NRG3: variants seen among roughly 807,000 people sequenced by gnomAD.
The protein encoded by NRG3 is neuregulin 3.
Under a neutral mutation model 66.9 loss-of-function variants are expected in NRG3, and 31 were observed. The observed-to-expected ratio is 0.46, with a 90% CI of 0.35 to 0.63. NRG3 has a LOEUF of 0.63. NRG3 is among the 20% of genes least tolerant of loss of function. The probability of loss-of-function intolerance (pLI) is 0.00; values close to 1 mark genes in which losing one functional copy is unlikely to be tolerated. For missense variants in NRG3, 910 were observed against 878.9 expected (o/e 1.04, Z -0.45); for synonymous variants, 393 against 359.4 (o/e 1.09, Z -1.06).
chr10:82,536,262 A>G (rs1185971189), intron 2 of NRG3, among the ~76,000 whole-genome samples: 4 of 152,188 alleles, frequency 2.6e-5, no homozygotes, highest in Non-Finnish European at 1.5e-5. Context: ...AAACTAAATG[A>G]CTTTTTGGCT....
intron 1 of NRG3, among the ~76,000 whole-genome samples, chr10:82,021,610 G>T (rs1381495185): frequency 2.0e-5 from 3 of 152,068 alleles, no homozygotes; most frequent in African/African-American, 7.2e-5. Context: ...CTTTGCTCTG[G>T]AAGAATAGAG....
chr10:81,917,724 G>A (rs1845838720), intron 1 of NRG3, among the ~76,000 whole-genome samples: 3 of 152,186 alleles, frequency 2.0e-5, no homozygotes, highest in Admixed American at 6.5e-5. Flanking sequence ...GATACAGTTT[G>A]TCTTTCACTT....
chr10:82,159,596 A>G (rs1329432909), intron 1 of NRG3, among the ~76,000 whole-genome samples: 1 of 151,840 alleles, frequency 6.6e-6, no homozygotes, highest in Non-Finnish European at 1.5e-5. Flanking sequence ...TATTTTAAGC[A>G]TGTTTATTTT....
At chr10:82,461,028 A>G (rs1345897083) in intron 2 of NRG3, among the ~76,000 whole-genome samples, 1 of 151,718 alleles carries the variant, frequency 6.6e-6, no homozygotes, top group Non-Finnish European at 1.5e-5. Flanking sequence ...ACCATCAACA[A>G]TACCACGACT....
rs772078027 is a variant in NRG3, at chr10:81,875,442, G to T, written c.102G>T (p.Ala34=). ...GTAAAAAAAA[A]GGGPDGGGEG... is the part of the protein sequence containing the mutation. ...CGGCGGCTGCGGCGGCGGCAGCGGCGGGCGGGGGCCCGGACGGCGGCGGCG... is the reference window on the plus strand; with the variant it reads ...CGGCGGCTGCGGCGGCGGCAGCGGCTGGCGGGGGCCCGGACGGCGGCGGCG... Residue 34 remains alanine (A), a synonymous_variant, in exon 1 of 9, where the codon GCG becomes GCT. Coordinates refer to ENST00000372141, the MANE Select transcript of NRG3 (RefSeq NM_001010848.4). This position sits in a 1 kb window ranked among gnomAD's most constrained non-coding sequence, Gnocchi z 5.3. 21 of 1,190,824 alleles carry T rather than the reference G, an allele frequency of 1.8e-5. 1 individual carries two copies. In the South Asian group the frequency reaches 7.9e-4, roughly 45 times the overall value. 73.8% of individuals were successfully genotyped at this position (1,190,824 alleles called of 1,614,324 possible).
At chr10:82,532,217 C>T (rs903672063) in intron 2 of NRG3, among the ~76,000 whole-genome samples, 4 of 151,508 alleles carry the variant, frequency 2.6e-5, no homozygotes, top group Non-Finnish European at 5.9e-5. Flanking sequence ...TATTATGCTA[C>T]CAAACACTAG....
Position 82,800,838 on chromosome 10 carries a change from C to A in NRG3, c.1027+62188C>A, listed in dbSNP as rs374048992. ...TCCCTTAAGGTGACCTGAGCAGAAT[C>A]CAAATCCTTTGACTTGATGTGGGTG... On this transcript the variant is annotated intron_variant, in intron 3 of 8. Coordinates refer to ENST00000372141, the MANE Select transcript of NRG3 (RefSeq NM_001010848.4). Among the ~76,000 whole-genome samples the A allele has an allele frequency of 2.4e-4, 37 of 152,210 alleles. 1 individual carries two copies. The highest frequency in any genetic ancestry group is 1.5e-3 in the East Asian group (8 of 5,164).
In NRG3 at chr10:81,875,387, C is replaced by T. The variant is rs1324297897; in HGVS notation, c.47C>T (p.Ala16Val). ...GCCTCGCCACCTGGTGCCGCTTCGGCAGCCGCCGCCTCGGCCGAGGAGGGC... is the reference window on the plus strand; with the variant it reads ...GCCTCGCCACCTGGTGCCGCTTCGGTAGCCGCCGCCTCGGCCGAGGAGGGC... ...AAASPPGAAS[A>V]AAASAEEGTA... The change falls in exon 1 of 9, where the codon GCA becomes GTA. Residue 16 changes from alanine to valine, a missense_variant. By Grantham distance (64) the Ala-to-Val change is moderately conservative. Transcript: ENST00000372141. This position sits in a 1 kb window ranked among gnomAD's most constrained non-coding sequence, Gnocchi z 5.3. 30 of 996,062 alleles carry T rather than the reference C, an allele frequency of 3.0e-5. No individual in the cohort carries two copies. Among genetic ancestry groups the T allele is most frequent in the Non-Finnish European group, 3.6e-5 (30 of 838,796 alleles). 61.7% of individuals were successfully genotyped at this position (996,062 alleles called of 1,614,324 possible). A position where few individuals can be genotyped will look rare whatever the true frequency, so the allele number is the denominator to read the frequency against.
At chr10:82,546,320 T>C (rs1393145678) in intron 2 of NRG3, among the ~76,000 whole-genome samples, 1 of 152,176 alleles carries the variant, frequency 6.6e-6, no homozygotes, top group Non-Finnish European at 1.5e-5. Flanking sequence ...ATAATTGCAA[T>C]GTTAGGGAAA....
intron 1 of NRG3, among the ~76,000 whole-genome samples, chr10:82,099,040 C>T (rs1018406572): frequency 6.6e-6 from 1 of 152,218 alleles, no homozygotes; most frequent in Non-Finnish European, 1.5e-5. Context: ...GCTGGGATTA[C>T]AGGCGTGAGC....
Position 82,588,682 on chromosome 10 carries a change from T to C in NRG3, c.954-149895T>C, listed in dbSNP as rs182251585. 5.9e-5 allele frequency among the ~76,000 whole-genome samples: 9 copies of C among 152,180 alleles called. No homozygotes were observed. In the East Asian group the frequency reaches 1.7e-3, roughly 30 times the overall value. ...CACGCCCAGCTAATTTTTGTGTTTT[T>C]AGTAGAGATGGGGTTTCACTGTGTT... On this transcript the variant is annotated intron_variant, in intron 2 of 8. Transcript: ENST00000372141.
intron 2 of NRG3, among the ~76,000 whole-genome samples, chr10:82,418,804 T>C (rs1248864265): frequency 6.6e-6 from 1 of 152,002 alleles, no homozygotes; most frequent in East Asian, 1.9e-4. Flanking sequence ...TCTCCCTATG[T>C]TGCCTAAGCT....
chr10:82,448,815 AT>A (rs1336480620), intron 2 of NRG3, among the ~76,000 whole-genome samples: 6 of 152,248 alleles, frequency 3.9e-5, no homozygotes, highest in African/African-American at 1.4e-4. Context: ...ATTGTCTATA[AT>A]TCAGCAATTA....
intron 1 of NRG3, among the ~76,000 whole-genome samples, chr10:82,239,328 G>A (rs747175487): frequency 2.5e-4 from 38 of 152,114 alleles, no homozygotes; most frequent in Non-Finnish European, 5.0e-4. Context: ...GAAAATTTTT[G>A]TATTTTTAGT....
At chr10:82,116,712 C>A (rs536479648) in intron 1 of NRG3, among the ~76,000 whole-genome samples, 2 of 152,186 alleles carry the variant, frequency 1.3e-5, no homozygotes, top group East Asian at 3.9e-4. Flanking sequence ...TCCTAATGGT[C>A]CATGGCAGGA....
chr10:82,746,339 G>T (rs937287008), intron 3 of NRG3, among the ~76,000 whole-genome samples: 1 of 152,134 alleles, frequency 6.6e-6, no homozygotes, highest in Admixed American at 6.5e-5. Flanking sequence ...GCTCACTGGG[G>T]GCCACTCTAC....
intron 2 of NRG3, among the ~76,000 whole-genome samples, chr10:82,656,922 G>GCTCTCTT (rs2051915150): frequency 6.6e-6 from 1 of 152,082 alleles, no homozygotes; most frequent in Admixed American, 6.5e-5. Context: ...AACCTATGTG[G>GCTCTCTT]CTCTCTTCTC....
intron 2 of NRG3, among the ~76,000 whole-genome samples, chr10:82,404,446 A>G (rs776433908): frequency 1.2e-4 from 19 of 152,188 alleles, no homozygotes; most frequent in Non-Finnish European, 2.4e-4. Context: ...AGTCCATGTG[A>G]GGCACAGCCT....
At chr10:82,587,345 C>T (rs1027705429) in intron 2 of NRG3, among the ~76,000 whole-genome samples, 1 of 151,996 alleles carries the variant, frequency 6.6e-6, no homozygotes, top group Non-Finnish European at 1.5e-5. Context: ...TAGTACTATA[C>T]ATTTTAATGA....
Sources: gnomAD v4.1 joint callset for allele counts (sites outside exome capture counted in the v4.1 genomes callset) on GRCh38, gnomAD v4.1.1 for gene constraint, Gnocchi (gnomAD v3.1) non-coding constraint, MANE v1.5 for transcripts, NCBI Gene and HGNC (gene_info 2026-07-23, HGNC 2026-07-21) for gene names.